Variants in EFCAB11 observed in about 807,000 individuals in gnomAD.
The protein encoded by EFCAB11 is EF-hand calcium binding domain 11, also known as EF-hand calcium-binding domain-containing protein 11.
In EFCAB11, 14 loss-of-function variants were observed where a neutral mutation model predicts 23.0. The ratio of observed to expected loss-of-function variants is 0.61; its 90% CI spans 0.40 to 0.95. The LOEUF is 0.95. EFCAB11 is among the 40% of genes least tolerant of loss of function. The probability of loss-of-function intolerance (pLI) is 0.00; values close to 1 mark genes in which losing one functional copy is unlikely to be tolerated. For missense variants in EFCAB11, 198 were observed against 195.8 expected (o/e 1.01, Z -0.07); for synonymous variants, 65 against 66.6 (o/e 0.98, Z 0.11).
intron 5 of EFCAB11, among the ~76,000 whole-genome samples, chr14:89,875,580 T>C (rs1888413115): frequency 6.6e-6 from 1 of 152,148 alleles, no homozygotes; most frequent in African/African-American, 2.4e-5. Flanking sequence ...AGGTTCCAGT[T>C]ATGGGTAACT....
chr14:89,866,748 G>T (rs1322541455), intron 5 of EFCAB11, among the ~76,000 whole-genome samples: 4 of 152,132 alleles, frequency 2.6e-5, no homozygotes, highest in Non-Finnish European at 5.9e-5. Context: ...GGTTTTCTAT[G>T]ACAGCAGGTA....
intron 5 of EFCAB11, among the ~76,000 whole-genome samples, chr14:89,887,084 C>G (rs969441793): frequency 6.6e-6 from 1 of 152,092 alleles, no homozygotes; most frequent in African/African-American, 2.4e-5. Flanking sequence ...CTGAACTAAC[C>G]TGAACATCCA....
intron 5 of EFCAB11, among the ~76,000 whole-genome samples, chr14:89,802,800 G>A (rs1274182757): frequency 3.3e-5 from 5 of 152,174 alleles, no homozygotes; most frequent in Non-Finnish European, 7.3e-5. Context: ...GGGTAATTCT[G>A]TCTTAAGATA....
intron 3 of EFCAB11, among the ~76,000 whole-genome samples, chr14:89,937,106 T>G (rs975348001): frequency 5.6e-4 from 85 of 152,240 alleles, no homozygotes; most frequent in African/African-American, 2.0e-3. Flanking sequence ...CATCACAACC[T>G]TAGGAACCAC....
rs539643082 is a variant in EFCAB11 at position 89,826,258 on chromosome 14, G to T, written c.411-28934C>A. On this transcript the variant is annotated intron_variant, in intron 5 of 5. Transcript: ENST00000316738. ...GATAACATATTTACTAGAGGAAAGG[G>T]TTGAAGGTTTGCTTTAAATAGGGAG... Among the ~76,000 whole-genome samples, 3 of 152,220 alleles carry T rather than the reference G, an allele frequency of 2.0e-5. No individual in the cohort carries two copies. The East Asian group carries it at 5.8e-4, about 29-fold the overall frequency.
chr14:89,936,187 G>A (rs1011287406), intron 3 of EFCAB11, among the ~76,000 whole-genome samples: 2 of 152,034 alleles, frequency 1.3e-5, no homozygotes, highest in Non-Finnish European at 2.9e-5. Context: ...GAACTACATC[G>A]ATAATATTTG....
At chr14:89,930,264 C>T (rs1211921285) in intron 5 of EFCAB11, among the ~76,000 whole-genome samples, 3 of 152,200 alleles carry the variant, frequency 2.0e-5, no homozygotes, top group Non-Finnish European at 4.4e-5. Context: ...AATCTTCATT[C>T]AAATAACCTA....
chr14:89,841,739 C>T (rs1887275795), intron 5 of EFCAB11, among the ~76,000 whole-genome samples: 2 of 152,068 alleles, frequency 1.3e-5, no homozygotes, highest in South Asian at 4.1e-4. Flanking sequence ...TGCACACTCT[C>T]CTTTCTTTAA....
intron 3 of EFCAB11, among the ~76,000 whole-genome samples, chr14:89,943,639 A>G (rs1200173853): frequency 1.3e-5 from 2 of 152,228 alleles, no homozygotes; most frequent in African/African-American, 4.8e-5. Flanking sequence ...CAAGAGAAAT[A>G]GCATGTAAAA....
Position 89,815,293 on chromosome 14 carries a change from T to C in EFCAB11, c.411-17969A>G, listed in dbSNP as rs188716127. Among the ~76,000 whole-genome samples the C allele has an allele frequency of 3.6e-3, 547 of 152,328 alleles. 2 individuals are homozygous for C. The highest frequency in any genetic ancestry group is 5.6e-3 in the Non-Finnish European group (383 of 68,026). ...TCAAAAATGTTGTCATAAGTGTACA[T>C]GTGAAAAATTTGTTTAAGTTCTTAG... On this transcript the variant is annotated intron_variant, in intron 5 of 5. Coordinates refer to ENST00000316738, the MANE Select transcript of EFCAB11 (RefSeq NM_145231.4).
chr14:89,818,781 A>G (rs1354976449), intron 5 of EFCAB11, among the ~76,000 whole-genome samples: 1 of 152,230 alleles, frequency 6.6e-6, no homozygotes, highest in Admixed American at 6.5e-5. Context: ...AAGATATTCA[A>G]CGTCATTAGT....
At chr14:89,874,889 CAAAAAAA>C (rs756026860) in intron 5 of EFCAB11, among the ~76,000 whole-genome samples, 1 of 136,038 alleles carries the variant, frequency 7.4e-6, no homozygotes, top group Non-Finnish European at 1.6e-5. Context: ...GAAACTGTCT[CAAAAAAA>C]AAAAAAAGTA....
intron 5 of EFCAB11, among the ~76,000 whole-genome samples, chr14:89,814,141 T>A (rs1043899809): frequency 6.6e-5 from 10 of 151,944 alleles, no homozygotes; most frequent in African/African-American, 2.4e-4. Flanking sequence ...AACTCTGAAC[T>A]TGGTGTTCAG....
intron 5 of EFCAB11, among the ~76,000 whole-genome samples, chr14:89,920,131 A>C (rs1485694263): frequency 6.6e-6 from 1 of 152,258 alleles, no homozygotes; most frequent in Non-Finnish European, 1.5e-5. Flanking sequence ...TCCATAGGCA[A>C]GATGCGTAAC....
At chr14:89,798,692 CGA>C (rs1566762123) in intron 5 of EFCAB11, among the ~76,000 whole-genome samples, 1 of 152,116 alleles carries the variant, frequency 6.6e-6, no homozygotes, top group East Asian at 1.9e-4. Flanking sequence ...TGTGTGTGTG[CGA>C]GTGTGCTTAT....
At chr14:89,814,279 C>T (rs562856135) in intron 5 of EFCAB11, among the ~76,000 whole-genome samples, 5 of 152,284 alleles carry the variant, frequency 3.3e-5, no homozygotes, top group African/African-American at 9.6e-5. Context: ...TTCAGACCTG[C>T]CGCCTGCCAG....
At chr14:89,954,452 T>C in intron 1 of EFCAB11, 134 bp downstream of exon 1, 6 of 1,537,966 alleles carry the variant, frequency 3.9e-6, no homozygotes, top group Non-Finnish European at 5.2e-6. Context: ...GATCAGTCAT[T>C]AACCACGACC....
At chr14:89,809,131 C>T (rs1886069046) in intron 5 of EFCAB11, among the ~76,000 whole-genome samples, 1 of 152,204 alleles carries the variant, frequency 6.6e-6, no homozygotes, top group African/African-American at 2.4e-5. Context: ...CACCTCTCTC[C>T]CTCTGCCCAG....
intron 5 of EFCAB11, among the ~76,000 whole-genome samples, chr14:89,831,926 T>C (rs746527627): frequency 6.6e-6 from 1 of 152,102 alleles, no homozygotes; most frequent in African/African-American, 2.4e-5. Flanking sequence ...GTCTAAGATA[T>C]GGAGCGGGTG....
Sources: allele counts gnomAD v4.1 joint callset (sites outside exome capture counted in the v4.1 genomes callset), GRCh38; gene constraint gnomAD v4.1.1; transcripts MANE v1.5; gene names NCBI Gene and HGNC (gene_info 2026-07-23, HGNC 2026-07-21).